Variants in FBXL17 observed in about 807,000 individuals in gnomAD.
The protein encoded by FBXL17 is F-box/LRR-repeat protein 17.
Under a neutral mutation model 66.2 loss-of-function variants are expected in FBXL17, and 22 were observed. The observed-to-expected ratio is 0.33, with a 90% CI of 0.24 to 0.47. The LOEUF (loss-of-function observed/expected upper bound fraction) is 0.47. Ranked by LOEUF, FBXL17 falls within the 20% of genes least tolerant of loss-of-function variation. The pLI, the probability that FBXL17 is intolerant of heterozygous loss-of-function variation, is 1.00. For synonymous variants in FBXL17, 474 were observed against 400.5 expected (o/e 1.18, Z -2.19); for missense variants, 878 against 948.2 (o/e 0.93, Z 0.97).
intron 6 of FBXL17, among the ~76,000 whole-genome samples, chr5:108,054,948 T>A (rs1254088597): frequency 1.3e-5 from 2 of 152,124 alleles, no homozygotes; most frequent in Admixed American, 6.6e-5. Flanking sequence ...TTAGCAGTAC[T>A]TAGTGGAGGT....
intron 7 of FBXL17, among the ~76,000 whole-genome samples, chr5:107,882,536 C>A (rs1302121985): frequency 1.3e-5 from 2 of 152,080 alleles, no homozygotes; most frequent in Non-Finnish European, 2.9e-5. Context: ...TTAATGTTTT[C>A]ATCTTTGTGC....
intron 7 of FBXL17, among the ~76,000 whole-genome samples, chr5:107,891,594 A>G (rs183209945): frequency 1.3e-3 from 191 of 152,288 alleles, no homozygotes; most frequent in Admixed American, 3.0e-3. Context: ...GACCAACAGC[A>G]TATGCTCATA....
intron 6 of FBXL17, among the ~76,000 whole-genome samples, chr5:108,076,536 A>G (rs1748553175): frequency 6.9e-6 from 1 of 144,666 alleles, no homozygotes; most frequent in South Asian, 2.2e-4. Context: ...GTTATTAAAA[A>G]GCATAAAATG....
rs146133462 is a variant in FBXL17 at position 108,286,754 on chromosome 5, C to T, written c.1506+61645G>A. Among the ~76,000 whole-genome samples, 720 of 151,970 alleles carry T rather than the reference C, an allele frequency of 4.7e-3. 8 individuals carry two copies. The highest frequency in any genetic ancestry group is 0.016 in the African/African-American group (670 of 41,518). On this transcript the variant is annotated intron_variant, in intron 4 of 8. Transcript: ENST00000542267. Reference sequence around the variant, plus strand: ...AATGCTATTCCTATCAAACTACCAACGACATTATTCACAGAATTAGAAAAA... The same window carrying T: ...AATGCTATTCCTATCAAACTACCAATGACATTATTCACAGAATTAGAAAAA...
chr5:108,239,642 C>T (rs369149923), intron 4 of FBXL17, among the ~76,000 whole-genome samples: 1 of 152,116 alleles, frequency 6.6e-6, no homozygotes, highest in Non-Finnish European at 1.5e-5. Context: ...ACAAAGACTG[C>T]AATTCCTAAG....
intron 4 of FBXL17, among the ~76,000 whole-genome samples, chr5:108,242,359 T>C (rs111905983): frequency 0.022 from 1,652 of 76,752 alleles, 38 homozygotes; most frequent in African/African-American, 0.13. Flanking sequence ...TTTGTTGTTG[T>C]TGTTGTTGTT....
At chr5:108,323,105 A>G (rs940916712) in intron 4 of FBXL17, among the ~76,000 whole-genome samples, 1 of 151,846 alleles carries the variant, frequency 6.6e-6, no homozygotes, top group Admixed American at 6.6e-5. Context: ...ATAACCAGAG[A>G]AATTAGAGGG....
chr5:108,152,266 A>G (rs1751801434), intron 6 of FBXL17, among the ~76,000 whole-genome samples: 1 of 152,214 alleles, frequency 6.6e-6, no homozygotes, highest in Admixed American at 6.5e-5. Flanking sequence ...TTTTAAATTA[A>G]CGCTGCTGTT....
At chr5:107,884,308 C>T (rs1561517245) in intron 7 of FBXL17, among the ~76,000 whole-genome samples, 1 of 152,196 alleles carries the variant, frequency 6.6e-6, no homozygotes, top group Admixed American at 6.5e-5. Flanking sequence ...TCCAACAGCT[C>T]TGCAGAACAA....
At chr5:108,292,723 A>G (rs1054559804) in intron 4 of FBXL17, among the ~76,000 whole-genome samples, 32 of 152,230 alleles carry the variant, frequency 2.1e-4, no homozygotes, top group Non-Finnish European at 4.3e-4. Context: ...ATTCTCCATT[A>G]ATGTCTTTCT....
At chr5:108,002,702 AG>A (rs1450366611) in intron 7 of FBXL17, among the ~76,000 whole-genome samples, 1 of 152,204 alleles carries the variant, frequency 6.6e-6, no homozygotes, top group African/African-American at 2.4e-5. Context: ...AGCAATAAAA[AG>A]GATAAAATAC....
intron 7 of FBXL17, among the ~76,000 whole-genome samples, chr5:107,936,753 T>A (rs974521444): frequency 6.6e-6 from 1 of 152,118 alleles, no homozygotes; most frequent in African/African-American, 2.4e-5. Flanking sequence ...TATTGACTTC[T>A]GACCTAACAT....
intron 7 of FBXL17, among the ~76,000 whole-genome samples, chr5:107,921,346 G>A (rs550740945): frequency 6.6e-6 from 1 of 152,322 alleles, no homozygotes; most frequent in African/African-American, 2.4e-5. Flanking sequence ...TGCAAGGGCA[G>A]TGGCTGTGTG....
chr5:108,055,312 A>G (rs1747655025), intron 6 of FBXL17, among the ~76,000 whole-genome samples: 1 of 17,952 alleles, frequency 5.6e-5, no homozygotes, highest in African/African-American at 2.5e-4. Context: ...AAAAAAAAAA[A>G]AGAAAAACGC....
intron 6 of FBXL17, among the ~76,000 whole-genome samples, chr5:108,155,407 C>T (rs1350256358): frequency 2.0e-5 from 3 of 151,970 alleles, no homozygotes; most frequent in Non-Finnish European, 4.4e-5. Context: ...CCCAGCTACT[C>T]AGGAGGCTGA....
At chr5:108,346,463 GA>G (rs1223526392) in intron 4 of FBXL17, among the ~76,000 whole-genome samples, 1 of 152,020 alleles carries the variant, frequency 6.6e-6, no homozygotes. Flanking sequence ...CTTTCTTTGG[GA>G]AACCATTGGC....
chr5:108,015,276 A>G (rs1754338059), intron 7 of FBXL17, among the ~76,000 whole-genome samples: 1 of 152,198 alleles, frequency 6.6e-6, no homozygotes, highest in African/African-American at 2.4e-5. Flanking sequence ...GTTAGAAACA[A>G]TAAAAGTTAC....
intron 6 of FBXL17, among the ~76,000 whole-genome samples, chr5:108,122,417 A>C (rs1265298413): frequency 6.6e-6 from 1 of 152,204 alleles, no homozygotes; most frequent in Non-Finnish European, 1.5e-5. Flanking sequence ...TTTTTTGTGA[A>C]AATATCACAA....
At chr5:108,084,470 C>G (rs1051901141) in intron 6 of FBXL17, among the ~76,000 whole-genome samples, 10 of 152,186 alleles carry the variant, frequency 6.6e-5, no homozygotes, top group Admixed American at 2.0e-4. Context: ...CTGGAAAAAA[C>G]ACACAACTCA....
Sources: allele counts gnomAD v4.1 joint callset (sites outside exome capture counted in the v4.1 genomes callset), GRCh38; gene constraint gnomAD v4.1.1; transcripts MANE v1.5; gene names NCBI Gene and HGNC (gene_info 2026-07-23, HGNC 2026-07-21).